Variants in FRMD6 observed in about 807,000 individuals in gnomAD.
FRMD6 encodes the protein FERM domain containing 6, also known as FERM domain-containing protein 6.
FRMD6 carries 37 observed loss-of-function variants against 73.2 expected under a neutral mutation model. The observed-to-expected ratio is 0.51, with a 90% CI of 0.39 to 0.66. FRMD6 has a LOEUF of 0.66. Among genes scored for constraint, FRMD6 ranks in the 30% least tolerant of loss-of-function variants. The pLI is 0.00. For missense variants in FRMD6, 714 were observed against 780.5 expected (o/e 0.91, Z 1.02); for synonymous variants, 273 against 282.2 (o/e 0.97, Z 0.33).
chr14:51,721,737 AGGAAGGAAGGG>A (rs1265343795), intron 11 of FRMD6, among the ~76,000 whole-genome samples: 1 of 41,558 alleles, frequency 2.4e-5, no homozygotes, highest in Non-Finnish European at 4.4e-5. Flanking sequence ...GAAGGGAGGG[AGGAAGGAAGGG>A]AGGAAGGAAG....
At chr14:51,618,579 A>G (rs1017409313) in intron 2 of FRMD6, among the ~76,000 whole-genome samples, 1 of 152,166 alleles carries the variant, frequency 6.6e-6, no homozygotes, top group African/African-American at 2.4e-5. Flanking sequence ...CAGAGTCAAA[A>G]TATATTTTTG....
At chr14:51,467,282 G>C in the FRMD6 span, among the ~76,000 whole-genome samples, 12 of 152,172 alleles carry the variant, frequency 7.9e-5, no homozygotes, top group Admixed American at 7.9e-4. Flanking sequence ...ACGGGGTTGG[G>C]GGCAAGGCCA....
chr14:51,551,987 T>A (rs1886866875), intron 1 of FRMD6, among the ~76,000 whole-genome samples: 1 of 152,188 alleles, frequency 6.6e-6, no homozygotes, highest in Non-Finnish European at 1.5e-5. Flanking sequence ...TCCCTTGTGC[T>A]ACTGAATATA....
chr14:51,577,205 A>G (rs1888453781), intron 2 of FRMD6, among the ~76,000 whole-genome samples: 1 of 152,106 alleles, frequency 6.6e-6, no homozygotes, highest in Admixed American at 6.5e-5. Context: ...GTGGGAAAAC[A>G]TGTAGCTAAA....
the FRMD6 span, among the ~76,000 whole-genome samples, chr14:51,481,833 G>A: frequency 2.0e-5 from 3 of 152,234 alleles, no homozygotes; most frequent in African/African-American, 4.8e-5. Context: ...GCTTCCTGGA[G>A]TGGCTATTTT....
intron 10 of FRMD6, among the ~76,000 whole-genome samples, chr14:51,716,124 C>T (rs537449833): frequency 6.6e-6 from 1 of 152,156 alleles, no homozygotes; most frequent in African/African-American, 2.4e-5. Context: ...GACCCTGAAA[C>T]GGGGATCATG....
In FRMD6 at chr14:51,724,601, A is replaced by G. The variant is rs1217900591; in HGVS notation, c.1493-1178A>G. On this transcript the variant is annotated intron_variant, in intron 12 of 13. Transcript: ENST00000344768. ...TTGAACTAATTATTGAATACTTAAT[A>G]TGTTTATGGCATATGCTAGACACTG... 2.6e-5 allele frequency among the ~76,000 whole-genome samples: 4 copies of G among 152,194 alleles called. No individual in the cohort carries two copies. In the East Asian group the frequency reaches 7.7e-4, roughly 29 times the overall value.
rs576890334 is a variant in FRMD6 at position 51,606,256 on chromosome 14, G to A, written c.-147+35846G>A. 2.6e-3 allele frequency among the ~76,000 whole-genome samples: 378 copies of A among 143,938 alleles called. 2 individuals are homozygous for A. Among genetic ancestry groups the A allele is most frequent in the Non-Finnish European group, 1.6e-3 (103 of 62,886 alleles). The allele number at this position is 143,938 out of a possible 152,430, so 94.4% of individuals were successfully genotyped here. ...AAACTCACCAACTCACACACAGCCA[G>A]TAATACACATGGACATTCAGAAATA... On this transcript the variant is annotated intron_variant, in intron 2 of 14. Transcript: ENST00000356218.
intron 1 of FRMD6, among the ~76,000 whole-genome samples, chr14:51,506,250 T>G (rs1393650040): frequency 1.3e-5 from 2 of 152,212 alleles, no homozygotes; most frequent in Non-Finnish European, 2.9e-5. Flanking sequence ...AAATATTGCC[T>G]TCTCTGCAAA....
In FRMD6 at chr14:51,702,493, T is replaced by G; in HGVS notation, c.295-19T>G. On this transcript the variant is annotated intron_variant, in intron 4 of 13. Coordinates refer to ENST00000344768, the MANE Select transcript of FRMD6 (RefSeq NM_001267046.2). Reference sequence around the variant, plus strand: ...GTAACTAGAAATAGCTTGATTTTTGTGTGTGCTTTTGTTTCTAGGGTATCG... The same window carrying G: ...GTAACTAGAAATAGCTTGATTTTTGGGTGTGCTTTTGTTTCTAGGGTATCG... The G allele has an allele frequency of 1.2e-6, 2 of 1,604,470 alleles. No individual in the cohort carries two copies. The highest frequency in any genetic ancestry group is 8.5e-7 in the Non-Finnish European group (1 of 1,172,962).
chr14:51,648,411 A>C (rs1184214010), upstream of FRMD6, among the ~76,000 whole-genome samples: 1 of 152,206 alleles, frequency 6.6e-6, no homozygotes, highest in Non-Finnish European at 1.5e-5. Context: ...CTACACTTAA[A>C]ATAACCTGGG....
intron 10 of FRMD6, among the ~76,000 whole-genome samples, chr14:51,719,699 G>T (rs1480043196): frequency 3.9e-5 from 6 of 152,204 alleles, no homozygotes; most frequent in Non-Finnish European, 5.9e-5. Flanking sequence ...TCATGGCAAT[G>T]TCACATAGCT....
the FRMD6 span, among the ~76,000 whole-genome samples, chr14:51,447,264 G>A: frequency 1.3e-5 from 2 of 152,116 alleles, no homozygotes; most frequent in South Asian, 4.1e-4. Flanking sequence ...ACCTTCTCAG[G>A]CTTAGAATTC....
intron 2 of FRMD6, among the ~76,000 whole-genome samples, chr14:51,695,152 G>C (rs1421005681): frequency 1.3e-5 from 2 of 148,422 alleles, no homozygotes; most frequent in East Asian, 3.9e-4. Flanking sequence ...ATTTTATCTT[G>C]GCTGCCTTGT....
the FRMD6 span, among the ~76,000 whole-genome samples, chr14:51,404,431 T>C: frequency 6.6e-6 from 1 of 152,164 alleles, no homozygotes; most frequent in Admixed American, 6.5e-5. Context: ...TTCTGTTTTA[T>C]GGGTTGAGCT....
At chr14:51,609,185 T>C (rs1287526740) in intron 2 of FRMD6, among the ~76,000 whole-genome samples, 1 of 152,202 alleles carries the variant, frequency 6.6e-6, no homozygotes, top group East Asian at 1.9e-4. Context: ...AACCTAGTTA[T>C]GAATATCCCA....
At position 51,715,347 on chromosome 14, in the gene FRMD6, C is replaced by A; in HGVS notation, c.872C>A (p.Pro291Gln). ...VFVGKKFEIL[P>Q]DGLPSARKLI... is the part of the protein sequence containing the mutation. ...AAGGGTAAGAAATTTGAGATTTTGC[C>A]AGATGGCTTGCCTTCTGCCCGGAAG... The change falls in exon 10 of 14, where the codon CCA becomes CAA. Residue 291 changes from proline to glutamine, a missense_variant. Pro to Gln is a moderately conservative substitution (Grantham distance 76, BLOSUM62 -1). Transcript: ENST00000344768. 1 of 1,568,290 alleles carries A rather than the reference C, an allele frequency of 6.4e-7. No homozygotes were observed. Among genetic ancestry groups the A allele is most frequent in the Non-Finnish European group, 8.7e-7 (1 of 1,154,702 alleles).
chr14:51,654,171 A>T (rs760793824), intron 1 of FRMD6, among the ~76,000 whole-genome samples: 5 of 152,168 alleles, frequency 3.3e-5, no homozygotes, highest in African/African-American at 7.2e-5. Flanking sequence ...TCCTGGCTGT[A>T]CAGGAAAACG....
chr14:51,519,014 G>C (rs1031450352), intron 1 of FRMD6, among the ~76,000 whole-genome samples: 8 of 152,140 alleles, frequency 5.3e-5, no homozygotes, highest in African/African-American at 1.4e-4. Flanking sequence ...AGTAGGAAAT[G>C]AACAAGATAG....
Sources: gnomAD v4.1 joint callset for allele counts (sites outside exome capture counted in the v4.1 genomes callset) on GRCh38, gnomAD v4.1.1 for gene constraint, MANE v1.5 for transcripts, NCBI Gene and HGNC (gene_info 2026-07-23, HGNC 2026-07-21) for gene names.